CNTN5: variants seen among roughly 807,000 people sequenced by gnomAD.
CNTN5 encodes contactin-5.
Under a neutral mutation model 129.1 loss-of-function variants are expected in CNTN5, and 77 were observed. The observed-to-expected ratio is 0.60, with a 90% CI of 0.50 to 0.72. The LOEUF (loss-of-function observed/expected upper bound fraction) is 0.72, where lower values mean the gene tolerates loss of function less well. Among genes scored for constraint, CNTN5 ranks in the 30% least tolerant of loss-of-function variants. The pLI is 0.00. For missense variants in CNTN5, 1,478 were observed against 1,328.8 expected (o/e 1.11, Z -1.75); for synonymous variants, 509 against 465.6 (o/e 1.09, Z -1.20).
intron 2 of CNTN5, among the ~76,000 whole-genome samples, chr11:99,510,819 A>G (rs934514270): frequency 1.3e-5 from 2 of 152,188 alleles, no homozygotes; most frequent in African/African-American, 4.8e-5. Context: ...TTACTTTAGA[A>G]TGTTCTCCTT....
intron 3 of CNTN5, among the ~76,000 whole-genome samples, chr11:99,652,884 A>G: frequency 6.6e-6 from 1 of 152,034 alleles, no homozygotes; most frequent in Admixed American, 6.6e-5. Context: ...TCTGCCCCCA[A>G]GGGTTTCAGA....
intron 7 of CNTN5, among the ~76,000 whole-genome samples, chr11:99,942,161 T>C (rs1326107680): frequency 1.3e-5 from 2 of 152,068 alleles, no homozygotes; most frequent in African/African-American, 4.8e-5. Flanking sequence ...TTAAATTAAT[T>C]TAAATAAGTT....
intron 2 of CNTN5, among the ~76,000 whole-genome samples, chr11:99,555,249 C>T (rs1203311092): frequency 2.0e-5 from 3 of 151,962 alleles, no homozygotes; most frequent in Admixed American, 1.3e-4. Flanking sequence ...ACCAAGAAGG[C>T]AATCATTATT....
At chr11:100,034,907 G>A (rs1173722463) in intron 9 of CNTN5, among the ~76,000 whole-genome samples, 1 of 152,014 alleles carries the variant, frequency 6.6e-6, no homozygotes, top group Non-Finnish European at 1.5e-5. Context: ...TTCCTCTTCA[G>A]CCTCATCACT....
At chr11:99,267,847 A>G (rs1469776150) in intron 1 of CNTN5, among the ~76,000 whole-genome samples, 1 of 150,918 alleles carries the variant, frequency 6.6e-6, no homozygotes, top group African/African-American at 2.4e-5. Flanking sequence ...ACTTATGCCA[A>G]ACTTAGAGAT....
intron 3 of CNTN5, among the ~76,000 whole-genome samples, chr11:99,668,482 A>G (rs548029520): frequency 1.3e-4 from 20 of 152,312 alleles, no homozygotes; most frequent in African/African-American, 4.8e-4. Context: ...TGAAAGGACC[A>G]CAGCTTAAGA....
chr11:99,409,129 A>C (rs1378962283), intron 2 of CNTN5, among the ~76,000 whole-genome samples: 3 of 152,162 alleles, frequency 2.0e-5, no homozygotes, highest in Non-Finnish European at 4.4e-5. Context: ...TAATAATTTT[A>C]ATTACTTTAG....
intron 2 of CNTN5, among the ~76,000 whole-genome samples, chr11:99,475,413 C>A (rs1945333041): frequency 6.6e-6 from 1 of 152,108 alleles, no homozygotes; most frequent in Non-Finnish European, 1.5e-5. Flanking sequence ...GTTACAGTAG[C>A]AGAAAATGAA....
chr11:100,351,169 G>T (rs1423209686), intron 24 of CNTN5, among the ~76,000 whole-genome samples: 1 of 151,446 alleles, frequency 6.6e-6, no homozygotes, highest in African/African-American at 2.4e-5. Context: ...TTGGAGTATA[G>T]CTTTTAAACT....
At chr11:99,621,104 T>G (rs7925839) in intron 3 of CNTN5, among the ~76,000 whole-genome samples, 68,078 of 151,018 alleles carry the variant, frequency 0.45, 15,930 homozygotes, top group Admixed American at 0.59. Flanking sequence ...ACAAAGATAC[T>G]TATTGTAAGG....
rs187913039 is a variant in CNTN5, at chr11:99,086,539, G to A, written c.-210+65269G>A. On this transcript the variant is annotated intron_variant, in intron 1 of 24. Coordinates refer to ENST00000524871, the MANE Select transcript of CNTN5 (RefSeq NM_014361.4). The stretch of plus-strand genomic sequence containing the variant: ...AGACTTGTAAACAATCAGATCGTGC[G>A]TGAGCTAACTGAAAGAGAACTCACT... Among the ~76,000 whole-genome samples the A allele has an allele frequency of 3.1e-3, 474 of 152,262 alleles. 3 individuals carry two copies. Among genetic ancestry groups the A allele is most frequent in the African/African-American group, 0.011 (447 of 41,566 alleles).
chr11:100,297,463 C>A (rs1291931346), intron 18 of CNTN5, among the ~76,000 whole-genome samples, 162 bp from the exon 19 acceptor site: 2 of 151,432 alleles, frequency 1.3e-5, no homozygotes, highest in Non-Finnish European at 3.0e-5. Flanking sequence ...TCAAAATCTG[C>A]CACATAGATT....
intron 13 of CNTN5, among the ~76,000 whole-genome samples, chr11:100,174,451 A>G (rs190750265): frequency 6.6e-6 from 1 of 152,226 alleles, no homozygotes; most frequent in African/African-American, 2.4e-5. Context: ...AAGGGCAACT[A>G]TATACTGTCT....
chr11:99,040,123 A>G (rs1043849924), intron 1 of CNTN5, among the ~76,000 whole-genome samples: 1 of 152,168 alleles, frequency 6.6e-6, no homozygotes, highest in Non-Finnish European at 1.5e-5. Context: ...TATTTTGCCA[A>G]GGTACCTCCA....
At chr11:100,236,158 A>G (rs1035055420) in intron 16 of CNTN5, among the ~76,000 whole-genome samples, 6 of 152,172 alleles carry the variant, frequency 3.9e-5, no homozygotes, top group Admixed American at 6.5e-5. Flanking sequence ...TCAAAGGTCA[A>G]TTCCTAGTCA....
intron 2 of CNTN5, among the ~76,000 whole-genome samples, chr11:99,414,458 T>C (rs1462317278): frequency 6.6e-6 from 1 of 151,932 alleles, no homozygotes; most frequent in East Asian, 1.9e-4. Context: ...TATGTGTGTA[T>C]GTATGCAGAA....
intron 1 of CNTN5, among the ~76,000 whole-genome samples, chr11:99,150,994 A>C (rs1860024355): frequency 6.6e-6 from 1 of 152,186 alleles, no homozygotes; most frequent in South Asian, 2.1e-4. Flanking sequence ...GAAATAAAAA[A>C]TGAAGCTTAT....
chr11:100,050,775 A>T (rs1021024466), intron 9 of CNTN5, among the ~76,000 whole-genome samples: 1 of 152,144 alleles, frequency 6.6e-6, no homozygotes, highest in African/African-American at 2.4e-5. Context: ...AATACTCATC[A>T]TAGGAATGTT....
intron 7 of CNTN5, among the ~76,000 whole-genome samples, chr11:99,949,200 A>T (rs1950618343): frequency 6.6e-6 from 1 of 152,164 alleles, no homozygotes; most frequent in Admixed American, 6.5e-5. Context: ...CTATTTCTAT[A>T]AACCCAATGA....
Sources: allele counts gnomAD v4.1 joint callset (sites outside exome capture counted in the v4.1 genomes callset), GRCh38; gene constraint gnomAD v4.1.1; transcripts MANE v1.5; gene names NCBI Gene and HGNC (gene_info 2026-07-23, HGNC 2026-07-21).